TRRAP: variants seen among roughly 807,000 people sequenced by gnomAD.
TRRAP encodes the protein transformation/transcription domain associated protein, also known as transformation/transcription domain-associated protein.
Under a neutral mutation model 438.8 loss-of-function variants are expected in TRRAP, and 41 were observed. The observed-to-expected ratio is 0.09, with a 90% CI of 0.07 to 0.12. The LOEUF (loss-of-function observed/expected upper bound fraction) is 0.12. Ranked by LOEUF, TRRAP falls within the 10% of genes least tolerant of loss-of-function variation. The pLI is 1.00. For synonymous variants in TRRAP, 1,994 were observed against 1,962.9 expected (o/e 1.02, Z -0.42); for missense variants, 3,122 against 5,055.1 (o/e 0.62, Z 11.60).
chr7:98,882,101 T>G, intron 3 of TRRAP, 77 bp downstream of exon 3: 1 of 1,206,358 alleles, frequency 8.3e-7, no homozygotes, highest in Non-Finnish European at 1.2e-6. Context: ...TTTGTCAGTC[T>G]TTTTACTAGC....
Position 99,005,189 on chromosome 7 carries a change from A to T in TRRAP, c.10594A>T (p.Ile3532Phe), listed in dbSNP as rs974640813. The change falls in exon 69 of 73, where the codon ATC becomes TTC. Residue 3532 changes from isoleucine to phenylalanine, a missense_variant. Around this residue, in one of 24 missense-constraint regions of TRRAP, gnomAD observed 95 missense variants for 144.1 expected, o/e 0.66. Transcript: ENST00000456197. This position sits in a 1 kb window ranked among gnomAD's most constrained non-coding sequence, Gnocchi z 5.1. ...CAACACCGCAGCCCGGCGGCTGTAC[A>T]TCCGGGGACACAATGGCAAGATCTA... ...KHNTAARRLY[I>F]RGHNGKIYPY... is the part of the protein sequence containing the mutation. 2 of 1,614,102 alleles carry T rather than the reference A, an allele frequency of 1.2e-6. No homozygotes were observed. The highest frequency in any genetic ancestry group is 1.7e-6 in the Non-Finnish European group (2 of 1,180,046).
chr7:98,985,630 C>G lies in TRRAP; in HGVS notation c.9389+586C>G, dbSNP rs117134587. Among the ~76,000 whole-genome samples, 23 of 152,290 alleles carry G rather than the reference C, an allele frequency of 1.5e-4. No homozygotes were observed. The East Asian group carries it at 4.2e-3, about 28-fold the overall frequency. On this transcript the variant is annotated intron_variant, in intron 62 of 72. Coordinates refer to ENST00000456197, the MANE Select transcript of TRRAP (RefSeq NM_001375524.1). ...ACGTCAGAGGAGATTTTGTAAATAT[C>G]ATGCAAATGAGGTAGACTCACAAGA...
In TRRAP at chr7:98,956,575, G is replaced by A. The variant is rs1182453721; in HGVS notation, c.6231+42G>A. The A allele has an allele frequency of 6.3e-7, 1 of 1,591,436 alleles. No individual in the cohort carries two copies. Among genetic ancestry groups the A allele is most frequent in the Non-Finnish European group, 8.5e-7 (1 of 1,171,248 alleles). ...CTGTATGGGTGCTGCGCATTCTGCT[G>A]GGAGTTGGTTCGTTTATTCCCTATA... On this transcript the variant is annotated intron_variant, in intron 43 of 72. Transcript: ENST00000456197. The surrounding 1 kb of genome is among the most constrained non-coding windows in gnomAD (Gnocchi z 4.5).
At chr7:98,907,329 A>C (rs1796821884) in intron 13 of TRRAP, among the ~76,000 whole-genome samples, 1 of 152,204 alleles carries the variant, frequency 6.6e-6, no homozygotes, top group African/African-American at 2.4e-5. Flanking sequence ...GTCTCAAAAA[A>C]AAAAAAGTAG....
chr7:98,964,808 G>T, intron 48 of TRRAP, 33 bp downstream of exon 48: 1 of 1,598,994 alleles, frequency 6.3e-7, no homozygotes, highest in Non-Finnish European at 8.5e-7. Flanking sequence ...CCTTTCCTCA[G>T]ACTCTGTTGA....
intron 33 of TRRAP, among the ~76,000 whole-genome samples, chr7:98,947,480 G>A (rs4727424): frequency 0.7 from 105,894 of 150,352 alleles, 41,669 homozygotes; most frequent in South Asian, 0.87. Context: ...TTTTGAGACC[G>A]GGTCTCATTC....
chr7:98,948,795 T>C lies in TRRAP; in HGVS notation c.4788+110T>C. On this transcript the variant is annotated intron_variant, in intron 35 of 72. Coordinates refer to ENST00000456197, the MANE Select transcript of TRRAP (RefSeq NM_001375524.1). The surrounding 1 kb of genome is among the most constrained non-coding windows in gnomAD (Gnocchi z 4.9). ...CTATTCAGTGTCCTGGCTGCTTTTT[T>C]TTCAGATCCATTTGAATATTGGAAA... The C allele has an allele frequency of 6.5e-7, 1 of 1,537,390 alleles. No homozygotes were observed. Among genetic ancestry groups the C allele is most frequent in the South Asian group, 1.2e-5 (1 of 82,498 alleles).
intron 6 of TRRAP, 129 bp downstream of exon 6, chr7:98,894,010 G>A (rs1554405377): frequency 3.8e-6 from 3 of 790,252 alleles, no homozygotes; most frequent in South Asian, 3.6e-5. Context: ...CCTAAGTTTG[G>A]GGCAATTCTT....
chr7:98,898,194 A>G (rs1796307953), intron 8 of TRRAP, among the ~76,000 whole-genome samples: 2 of 152,168 alleles, frequency 1.3e-5, no homozygotes, highest in Admixed American at 1.3e-4. Flanking sequence ...TATAGATAAA[A>G]GCATATAGCT....
intron 64 of TRRAP, 56 bp downstream of exon 64, chr7:98,990,675 G>T: frequency 6.5e-7 from 1 of 1,536,548 alleles, no homozygotes. Context: ...TCTTCATTTT[G>T]CGTTCTTTTT....
chr7:98,990,211 A>G (rs1176205880), intron 63 of TRRAP, among the ~76,000 whole-genome samples: 1 of 152,226 alleles, frequency 6.6e-6, no homozygotes, highest in Non-Finnish European at 1.5e-5. Context: ...CCTGGGTGAC[A>G]AAGCAAGACT....
chr7:98,939,321 G>A (rs6947811), intron 30 of TRRAP, among the ~76,000 whole-genome samples: 58,090 of 152,002 alleles, frequency 0.38, 13,432 homozygotes, highest in Non-Finnish European at 0.5. Context: ...TGCAGGTATG[G>A]ATACATTGTG....
chr7:98,913,643 C>T (rs2116425035), intron 18 of TRRAP, among the ~76,000 whole-genome samples: 1 of 152,268 alleles, frequency 6.6e-6, no homozygotes. Flanking sequence ...ATGTAAATGA[C>T]ACATTTCAGG....
rs782567000 is a variant in TRRAP, at chr7:98,892,508, G to T, written c.346G>T (p.Val116Leu). The T allele has an allele frequency of 1.9e-6, 3 of 1,611,286 alleles. No homozygotes were observed. The highest frequency in any genetic ancestry group is 2.5e-6 in the Non-Finnish European group (3 of 1,179,442). The change falls in exon 5 of 73, where the codon GTG becomes TTG. Residue 116 changes from valine to leucine, a missense_variant. Transcript: ENST00000456197. ...LRPHTKNVLS[V>L]MFRFLETENE... The stretch of plus-strand genomic sequence containing the variant: ...TCCTCACACAAAAAATGTTTTGTCT[G>T]TGATGTTTCGCTTTTTAGAGGTAAG...
chr7:98,985,094 TAA>T, intron 62 of TRRAP, 50 bp downstream of exon 62: 1 of 1,310,058 alleles, frequency 7.6e-7, no homozygotes, highest in Non-Finnish European at 1.1e-6. Flanking sequence ...TCAGATTATT[TAA>T]AGTTATTTAT....
intron 58 of TRRAP, among the ~76,000 whole-genome samples, chr7:98,981,144 G>GTA (rs1792896483): frequency 6.6e-6 from 1 of 152,212 alleles, no homozygotes; most frequent in South Asian, 2.1e-4. Context: ...GCTCATGCCT[G>GTA]TAATCCCAGC....
At chr7:98,990,256 A>G (rs1458597002) in intron 63 of TRRAP, among the ~76,000 whole-genome samples, 199 bp from the exon 64 acceptor site, 1 of 152,222 alleles carries the variant, frequency 6.6e-6, no homozygotes, top group Non-Finnish European at 1.5e-5. Context: ...ACTAAAGAGA[A>G]AATCTATTTT....
At chr7:98,984,630 T>C (rs1793073836) in intron 61 of TRRAP, among the ~76,000 whole-genome samples, 1 of 152,168 alleles carries the variant, frequency 6.6e-6, no homozygotes, top group Non-Finnish European at 1.5e-5. Context: ...TACAGAATTA[T>C]GAGGATCTAA....
intron 30 of TRRAP, among the ~76,000 whole-genome samples, chr7:98,942,481 T>C (rs1554415883): frequency 6.6e-6 from 1 of 152,264 alleles, no homozygotes; most frequent in Admixed American, 6.5e-5. Context: ...AGCTGGTTCC[T>C]GTCTTCCTCT....
Sources: gnomAD v4.1 joint callset for allele counts (sites outside exome capture counted in the v4.1 genomes callset) on GRCh38, gnomAD v4.1.1 for gene constraint, gnomAD v4.1.1 regional missense constraint, Gnocchi (gnomAD v3.1) non-coding constraint, MANE v1.5 for transcripts, NCBI Gene and HGNC (gene_info 2026-07-23, HGNC 2026-07-21) for gene names.